The following C9orf43 variants were observed in gnomAD, a reference collection of about 807,000 sequenced individuals.
C9orf43 encodes the protein chromosome 9 open reading frame 43, also known as uncharacterized protein C9orf43.
In C9orf43, 45 loss-of-function variants were observed where a neutral mutation model predicts 59.1. The ratio of observed to expected loss-of-function variants is 0.76; its 90% CI spans 0.60 to 0.98. C9orf43 has a LOEUF of 0.98. Among genes scored for constraint, C9orf43 ranks in the 50% least tolerant of loss-of-function variants. C9orf43 has a pLI of 0.00. For missense variants in C9orf43, 533 were observed against 554.9 expected (o/e 0.96, Z 0.40); for synonymous variants, 203 against 196.8 (o/e 1.03, Z -0.26).
chr9:113,424,573 G>C (rs1428255904), intron 8 of C9orf43, among the ~76,000 whole-genome samples: 1 of 151,182 alleles, frequency 6.6e-6, no homozygotes, highest in Non-Finnish European at 1.5e-5. Context: ...TGTCACCCAG[G>C]GTGTAGTGCA....
intron 6 of C9orf43, among the ~76,000 whole-genome samples, chr9:113,422,832 G>C (rs367767910): frequency 7.9e-4 from 120 of 152,154 alleles, no homozygotes; most frequent in African/African-American, 2.6e-3. Context: ...GCGTGTTCAG[G>C]GGGGGAGTTT....
intron 1 of C9orf43, chr9:113,411,267 G>A: frequency 3.2e-6 from 1 of 310,834 alleles, no homozygotes; most frequent in Non-Finnish European, 4.7e-6. Flanking sequence ...ATTTTTTCCA[G>A]TTAAAACCAT....
Position 113,429,503 on chromosome 9 carries a change from C to T in C9orf43, c.*117C>T. ...CATAAGGGCAAGAGGAGAGGGGCTT[C>T]TGCTCTCTGGAGCCTTTACCAGGGC... is the stretch of plus-strand genomic sequence containing the variant. On this transcript the variant is annotated 3_prime_UTR_variant, in exon 14 of 14. Coordinates refer to ENST00000374165, the MANE Select transcript of C9orf43 (RefSeq NM_001278629.2). 1 of 809,538 alleles carries T rather than the reference C, an allele frequency of 1.2e-6. No individual in the cohort carries two copies. Among genetic ancestry groups the T allele is most frequent in the Non-Finnish European group, 2.0e-6 (1 of 505,124 alleles). 50.1% of individuals were successfully genotyped at this position (809,538 alleles called of 1,614,324 possible).
At chr9:113,418,875 C>T (rs1448165129) in intron 3 of C9orf43, among the ~76,000 whole-genome samples, 1 of 152,170 alleles carries the variant, frequency 6.6e-6, no homozygotes, top group Non-Finnish European at 1.5e-5. Flanking sequence ...GCTATGAATT[C>T]TGTTTGATGG....
rs1274198428 is a variant in C9orf43, at chr9:113,425,281, A to G, written c.866-63A>G. 7 of 1,601,196 alleles carry G rather than the reference A, an allele frequency of 4.4e-6. No homozygotes were observed. In the Admixed American group the frequency reaches 1.2e-4, roughly 27 times the overall value. ...TCACCATTGTGAAGGAAGGCACAGCAGGCATTCCAGTGGGAGAGAGGGGGC... is the reference window on the plus strand; with the variant it reads ...TCACCATTGTGAAGGAAGGCACAGCGGGCATTCCAGTGGGAGAGAGGGGGC... On this transcript the variant is annotated intron_variant, in intron 9 of 13. Transcript: ENST00000374165.
intron 3 of C9orf43, 64 bp from the exon 4 acceptor site, chr9:113,419,044 A>G: frequency 7.6e-7 from 1 of 1,316,766 alleles, no homozygotes. Context: ...TCCTCATAGC[A>G]CTAACGTTAT....
chr9:113,417,878 A>C (rs979821049), intron 3 of C9orf43, among the ~76,000 whole-genome samples: 1 of 152,254 alleles, frequency 6.6e-6, no homozygotes, highest in African/African-American at 2.4e-5. Context: ...AGGACTTCAT[A>C]AAGCAGGCTG....
rs140059085 is a variant in C9orf43, at chr9:113,413,042, C to A, written c.-49-403C>A. Among the ~76,000 whole-genome samples the A allele has an allele frequency of 8.9e-4, 135 of 152,328 alleles. 1 individual carries two copies. The highest frequency in any genetic ancestry group is 7.3e-3 in the East Asian group (38 of 5,186). ...CTTTTTGGAGATGGTGGCATCTTCT[C>A]CCTGATGACTAACGAAGGGGAAAAG... On this transcript the variant is annotated intron_variant, in intron 1 of 13. Transcript: ENST00000374165.
At position 113,429,567 on chromosome 9, in the gene C9orf43, C is replaced by T; in HGVS notation, c.*181C>T. The stretch of plus-strand genomic sequence containing the variant: ...TTAGGGATTCCATTTTCTTTGTTCA[C>T]CTCTACTTGCCTCTAAAATAAATGT... On this transcript the variant is annotated 3_prime_UTR_variant, in exon 14 of 14. Coordinates refer to ENST00000374165, the MANE Select transcript of C9orf43 (RefSeq NM_001278629.2). 1.8e-6 allele frequency: 1 copy of T among 550,844 alleles called. No homozygotes were observed. The highest frequency in any genetic ancestry group is 2.7e-5 in the South Asian group (1 of 36,632). The allele number at this position is 550,844 out of a possible 1,614,324, so 34.1% of individuals were successfully genotyped here. A position where few individuals can be genotyped will look rare whatever the true frequency, so the allele number is the denominator to read the frequency against.
chr9:113,417,553 G>A (rs941666662), intron 3 of C9orf43, among the ~76,000 whole-genome samples: 1 of 152,210 alleles, frequency 6.6e-6, no homozygotes, highest in African/African-American at 2.4e-5. Flanking sequence ...TGTCATGAGA[G>A]GACCGCCCCC....
At position 113,423,428 on chromosome 9, in the gene C9orf43, G is replaced by A; in HGVS notation, c.586G>A (p.Glu196Lys). 1 of 1,614,094 alleles carries A rather than the reference G, an allele frequency of 6.2e-7. No homozygotes were observed. The highest frequency in any genetic ancestry group is 8.5e-7 in the Non-Finnish European group (1 of 1,179,976). Residue 196 changes from glutamate (E) to lysine (K), a missense_variant, in exon 7 of 14, where the codon GAA becomes AAA. Transcript: ENST00000374165. ...VPPPTPVQLSEQFSSDFLPLW... is the reference protein window; with the variant it reads ...VPPPTPVQLSKQFSSDFLPLW... ...TCCCCCAACCCCAGTGCAATTGTCT[G>A]AACAATTCAGTTCAGATTTCCTACC... is the stretch of plus-strand genomic sequence containing the variant.
At position 113,429,418 on chromosome 9, in the gene C9orf43, C is replaced by T. The variant is rs2119116564; in HGVS notation, c.*32C>T. 3 of 1,594,472 alleles carry T rather than the reference C, an allele frequency of 1.9e-6. No homozygotes were observed. The highest frequency in any genetic ancestry group is 2.6e-6 in the Non-Finnish European group (3 of 1,164,466). On this transcript the variant is annotated 3_prime_UTR_variant, in exon 14 of 14. Transcript: ENST00000374165. ...TCTGGAGGAATAGACTGAAGGCATC[C>T]CCTGGGGCAGCCGTGTTCCAAAGCG...
At chr9:113,424,370 TCTC>T in intron 8 of C9orf43, 54 bp downstream of exon 8, 1 of 1,527,236 alleles carries the variant, frequency 6.5e-7, no homozygotes. Context: ...CAAACCCATC[TCTC>T]CTCAAATCTG....
chr9:113,416,549 G>A (rs1330209073), intron 3 of C9orf43, among the ~76,000 whole-genome samples: 3 of 151,754 alleles, frequency 2.0e-5, no homozygotes, highest in Admixed American at 6.6e-5. Context: ...ACCTCATCTC[G>A]CATTTCTCCC....
At chr9:113,425,281 A>C in intron 9 of C9orf43, 63 bp from the exon 10 acceptor site, 1 of 1,601,314 alleles carries the variant, frequency 6.2e-7, no homozygotes, top group Non-Finnish European at 8.5e-7. Context: ...AAGGCACAGC[A>C]GGCATTCCAG....
chr9:113,420,968 A>G (rs989807995), intron 4 of C9orf43, 135 bp from the exon 5 acceptor site: 1 of 844,206 alleles, frequency 1.2e-6, no homozygotes, highest in Non-Finnish European at 1.8e-6. Context: ...TTGGGAGAAT[A>G]TTATGAAGAT....
intron 3 of C9orf43, among the ~76,000 whole-genome samples, chr9:113,416,866 C>T (rs529516815): frequency 1.3e-5 from 2 of 152,230 alleles, no homozygotes; most frequent in East Asian, 1.9e-4. Context: ...ACCAGATGTC[C>T]CCTCGGGGCA....
rs746495192 is a variant in C9orf43, at chr9:113,428,924, A to G, written c.1132A>G (p.Asn378Asp). The G allele has an allele frequency of 4.6e-5, 75 of 1,613,854 alleles. No individual in the cohort carries two copies. Among genetic ancestry groups the G allele is most frequent in the Admixed American group, 1.0e-4 (6 of 60,010 alleles). ...KQDSTERPKM[N>D]YYDHADFHHS... ...GGATTCCACGGAGAGACCAAAGATG[A>G]ACTACTATGACCATGCGGATTTCCA... The change falls in exon 13 of 14, where the codon AAC (asparagine) becomes GAC (aspartate). Residue 378 changes from asparagine (N) to aspartate (D), a missense_variant. Transcript: ENST00000374165.
rs1006808252 is a variant in C9orf43, at chr9:113,410,764, C to G, written c.-287C>G. 1 of 207,624 alleles carries G rather than the reference C, an allele frequency of 4.8e-6. No individual in the cohort carries two copies. The highest frequency in any genetic ancestry group is 2.3e-5 in the African/African-American group (1 of 42,652). 12.9% of individuals were successfully genotyped at this position (207,624 alleles called of 1,614,324 possible). A position where few individuals can be genotyped will look rare whatever the true frequency, so the allele number is the denominator to read the frequency against. ...ATCCCTTTAGGACCCGAGGCAGGCTCTGGGCCCGCCGGGTCCGTTAATCTC... is the reference window on the plus strand; with the variant it reads ...ATCCCTTTAGGACCCGAGGCAGGCTGTGGGCCCGCCGGGTCCGTTAATCTC... On this transcript the variant is annotated 5_prime_UTR_variant, in exon 1 of 14. Transcript: ENST00000374165.
Sources: allele counts gnomAD v4.1 joint callset (sites outside exome capture counted in the v4.1 genomes callset), GRCh38; gene constraint gnomAD v4.1.1; transcripts MANE v1.5; gene names NCBI Gene and HGNC (gene_info 2026-07-23, HGNC 2026-07-21).